Variants in KCNIP4 observed in about 807,000 individuals in gnomAD.
KCNIP4 encodes the protein Kv channel-interacting protein 4.
In KCNIP4, 12 loss-of-function variants were observed where a neutral mutation model predicts 34.0. The ratio of observed to expected loss-of-function variants is 0.35; its 90% CI spans 0.23 to 0.57. The LOEUF (loss-of-function observed/expected upper bound fraction) is 0.57. Ranked by LOEUF, KCNIP4 falls within the 20% of genes least tolerant of loss-of-function variation. The pLI, the probability that KCNIP4 is intolerant of heterozygous loss-of-function variation, is 0.83. For missense variants in KCNIP4, 238 were observed against 311.7 expected, an observed-to-expected ratio of 0.76 and a Z score of 1.78; for synonymous variants, 124 against 102.2, an observed-to-expected ratio of 1.21 and a Z score of -1.29.
At chr4:21,853,625 G>C (rs961845111) in intron 1 of KCNIP4, among the ~76,000 whole-genome samples, 7 of 152,042 alleles carry the variant, frequency 4.6e-5, no homozygotes, top group Non-Finnish European at 8.8e-5. Context: ...TGAATTGGAA[G>C]GATACAACAG....
intron 1 of KCNIP4, among the ~76,000 whole-genome samples, chr4:21,146,648 C>T (rs948095098): frequency 2.6e-5 from 4 of 151,978 alleles, no homozygotes; most frequent in African/African-American, 2.4e-5. Flanking sequence ...TTGTTATCAG[C>T]GGTGTGTGTT....
intron 1 of KCNIP4, among the ~76,000 whole-genome samples, chr4:21,472,493 C>A (rs985538056): frequency 6.6e-6 from 1 of 152,058 alleles, no homozygotes; most frequent in African/African-American, 2.4e-5. Flanking sequence ...CAGTGCATTT[C>A]ATTTCTTCTC....
chr4:20,984,707 C>G (rs181260948), intron 1 of KCNIP4, among the ~76,000 whole-genome samples: 88 of 152,294 alleles, frequency 5.8e-4, no homozygotes, highest in African/African-American at 2.1e-3. Context: ...ATTATATTTA[C>G]AAAGGTGGAC....
rs372225853 is a variant in KCNIP4 at position 21,523,532 on chromosome 4, GCTTC to G, written c.61+425035_61+425038del. Among the ~76,000 whole-genome samples, 11 of 151,344 alleles carry G rather than the reference GCTTC, an allele frequency of 7.3e-5. No homozygotes were observed. In the South Asian group the frequency reaches 1.0e-3, roughly 14 times the overall value. On this transcript the variant is annotated intron_variant, in intron 1 of 8. Coordinates refer to ENST00000382152, the MANE Select transcript of KCNIP4 (RefSeq NM_025221.6). The stretch of plus-strand genomic sequence containing the variant: ...TTTTCTCGTTTCCTTTTCCTTCTTT[GCTTC>G]CTTCCTTCCTTCCGTCCTTCCTTTT...
intron 1 of KCNIP4, among the ~76,000 whole-genome samples, chr4:21,180,628 G>A (rs1347385114): frequency 6.6e-6 from 1 of 151,300 alleles, no homozygotes; most frequent in African/African-American, 2.4e-5. Flanking sequence ...CTGTTGGCAA[G>A]TTGCAATGGC....
intron 1 of KCNIP4, among the ~76,000 whole-genome samples, chr4:21,005,151 C>A (rs1010858864): frequency 6.6e-6 from 1 of 152,056 alleles, no homozygotes; most frequent in Non-Finnish European, 1.5e-5. Flanking sequence ...AACAAACAAA[C>A]AAACAAACAA....
chr4:20,965,593 T>C (rs1384011228), intron 1 of KCNIP4, among the ~76,000 whole-genome samples: 1 of 152,086 alleles, frequency 6.6e-6, no homozygotes, highest in African/African-American at 2.4e-5. Context: ...CTCTCTGGAG[T>C]GTGGAGAATG....
chr4:21,043,166 G>T (rs534988769), intron 1 of KCNIP4, among the ~76,000 whole-genome samples: 2 of 152,300 alleles, frequency 1.3e-5, no homozygotes, highest in East Asian at 3.9e-4. Flanking sequence ...AAGAAAGAAA[G>T]TTCTCTTGAC....
intron 1 of KCNIP4, among the ~76,000 whole-genome samples, chr4:20,904,319 A>ATG (rs200655654): frequency 2.1e-5 from 3 of 146,194 alleles, no homozygotes; most frequent in Non-Finnish European, 4.5e-5. Context: ...ATATATATGT[A>ATG]TGTGTGTGTG....
At chr4:21,436,413 T>C (rs990185130) in intron 1 of KCNIP4, among the ~76,000 whole-genome samples, 1 of 152,194 alleles carries the variant, frequency 6.6e-6, no homozygotes, top group Non-Finnish European at 1.5e-5. Context: ...GATATTTACT[T>C]CCCATTGATA....
chr4:20,983,789 G>T (rs1244828812), intron 1 of KCNIP4: 1 of 1,529,760 alleles, frequency 6.5e-7, no homozygotes, highest in Non-Finnish European at 8.8e-7. Context: ...CTGCCCAACA[G>T]CACAGACTGG....
chr4:20,758,921 CAA>C (rs772954947), intron 3 of KCNIP4, 31 bp from the exon 4 acceptor site: 2 of 1,583,052 alleles, frequency 1.3e-6, no homozygotes, highest in Non-Finnish European at 1.7e-6. Context: ...GCAATATGAG[CAA>C]AGTGTTCATA....
rs1758011803 is a variant in KCNIP4 at position 21,221,985 on chromosome 4, A to T, written c.62-339276T>A. Among the ~76,000 whole-genome samples the T allele has an allele frequency of 2.0e-5, 3 of 152,190 alleles. No homozygotes were observed. The South Asian group carries it at 6.2e-4, about 32-fold the overall frequency. Reference sequence around the variant, plus strand: ...AACATTCAGTGGAAAGCTGACCAGTATTTAGACACATCTATCAGATCAAAC... The same window carrying T: ...AACATTCAGTGGAAAGCTGACCAGTTTTTAGACACATCTATCAGATCAAAC... On this transcript the variant is annotated intron_variant, in intron 1 of 8. Transcript: ENST00000382152.
At position 20,729,967 on chromosome 4, in the gene KCNIP4, G is replaced by GCATAATATGCTTCAGTGT. The variant is rs1183174181; in HGVS notation, c.*97_*114dup. ...CTTTATATTAAAACAAAGCTTGTTT[G>GCATAATATGCTTCAGTGT]CATAATATGCTTCAGTGTCAAGCTG... is the stretch of plus-strand genomic sequence containing the variant. On this transcript the variant is annotated 3_prime_UTR_variant, in exon 9 of 9. Transcript: ENST00000382152. The GCATAATATGCTTCAGTGT allele has an allele frequency of 1.6e-6, 2 of 1,227,138 alleles. No individual in the cohort carries two copies. Among genetic ancestry groups the GCATAATATGCTTCAGTGT allele is most frequent in the Non-Finnish European group, 2.2e-6 (2 of 907,056 alleles). 76.0% of individuals were successfully genotyped at this position (1,227,138 alleles called of 1,614,324 possible).
intron 1 of KCNIP4, among the ~76,000 whole-genome samples, chr4:21,484,399 C>A (rs1731728627): frequency 6.6e-6 from 1 of 151,846 alleles, no homozygotes; most frequent in Non-Finnish European, 1.5e-5. Context: ...TGCACTCCAG[C>A]CTGGGTGACA....
intron 1 of KCNIP4, among the ~76,000 whole-genome samples, chr4:20,905,894 A>G (rs2149560577): frequency 6.6e-6 from 1 of 152,170 alleles, no homozygotes; most frequent in African/African-American, 2.4e-5. Context: ...CATTTTGTTC[A>G]CCACCTCTTT....
At chr4:20,810,997 G>A (rs1278492718) in intron 3 of KCNIP4, among the ~76,000 whole-genome samples, 1 of 152,114 alleles carries the variant, frequency 6.6e-6, no homozygotes, top group East Asian at 1.9e-4. Context: ...AGCATATGTG[G>A]GAAGTATAGC....
intron 1 of KCNIP4, among the ~76,000 whole-genome samples, chr4:21,835,046 A>C (rs1237441943): frequency 1.3e-5 from 2 of 152,154 alleles, no homozygotes; most frequent in Non-Finnish European, 2.9e-5. Context: ...ATATTGGTCT[A>C]AAATTCTCTT....
chr4:21,913,785 G>A (rs1728475870), intron 1 of KCNIP4, among the ~76,000 whole-genome samples: 1 of 152,138 alleles, frequency 6.6e-6, no homozygotes. Context: ...ATAGCATTTG[G>A]GAGTGTTGAT....
Sources: gnomAD v4.1 joint callset for allele counts (sites outside exome capture counted in the v4.1 genomes callset) on GRCh38, gnomAD v4.1.1 for gene constraint, MANE v1.5 for transcripts, NCBI Gene and HGNC (gene_info 2026-07-23, HGNC 2026-07-21) for gene names.